The following COL14A1 variants were observed in gnomAD, a reference collection of about 807,000 sequenced individuals.
The protein encoded by COL14A1 is collagen type XIV alpha 1 chain, also known as collagen alpha-1(XIV) chain.
A neutral mutation model predicts 230.3 loss-of-function variants in COL14A1; 136 were observed. That is an observed-to-expected ratio of 0.59 (90% confidence interval 0.51 to 0.68). COL14A1 has a LOEUF of 0.68. Among genes scored for constraint, COL14A1 ranks in the 30% least tolerant of loss-of-function variants. COL14A1 has a pLI of 0.00. For synonymous variants in COL14A1, 792 were observed against 784.1 expected (o/e 1.01, Z -0.17); for missense variants, 1,976 against 2,215.8 (o/e 0.89, Z 2.17).
At chr8:120,370,783 C>T (rs1450668502) in intron 47 of COL14A1, 4 of 1,376,008 alleles carry the variant, frequency 2.9e-6, no homozygotes, top group Non-Finnish European at 3.9e-6. Flanking sequence ...TCCCTTCCTC[C>T]CCTGATCACC....
chr8:120,133,287 T>C (rs564922743), intron 1 of COL14A1, among the ~76,000 whole-genome samples: 1 of 151,430 alleles, frequency 6.6e-6, no homozygotes, highest in Non-Finnish European at 1.5e-5. Flanking sequence ...GAAAAAATTC[T>C]GTTATTTTTT....
Position 120,270,186 on chromosome 8 carries a change from A to G in COL14A1, c.3213+12A>G, listed in dbSNP as rs1402998151. The G allele has an allele frequency of 6.2e-7, 1 of 1,605,266 alleles. No individual in the cohort carries two copies. Among genetic ancestry groups the G allele is most frequent in the Admixed American group, 1.7e-5 (1 of 59,174 alleles). On this transcript the variant is annotated intron_variant, in intron 26 of 47. Transcript: ENST00000297848. ...CAGATGGAACCCAAGTAAGGCTAAT[A>G]AATAATTAATTCATTCTATGTATTT...
intron 5 of COL14A1, among the ~76,000 whole-genome samples, chr8:120,176,473 T>A (rs1349846835): frequency 2.0e-5 from 3 of 152,228 alleles, no homozygotes; most frequent in Non-Finnish European, 4.4e-5. Context: ...TTTATGGTTC[T>A]TGGCTCACAG....
rs1029859406 is a variant in COL14A1 at position 120,350,514 on chromosome 8, T to A, written c.5077+4951T>A. Among the ~76,000 whole-genome samples, 367 of 150,618 alleles carry A rather than the reference T, an allele frequency of 2.4e-3. 1 individual carries two copies. Among genetic ancestry groups the A allele is most frequent in the East Asian group, 5.3e-3 (27 of 5,134 alleles). ...CCCATCTCACGTGCAGAGACATACA[T>A]AGGCTCAAAATAAAAGGATGGAGGA... On this transcript the variant is annotated intron_variant, in intron 45 of 47. Transcript: ENST00000297848.
chr8:120,370,605 C>G, intron 47 of COL14A1: 1 of 1,451,352 alleles, frequency 6.9e-7, no homozygotes, highest in Non-Finnish European at 9.1e-7. Context: ...TTAATAGACA[C>G]TGACTGCTCC....
chr8:120,280,675 G>A (rs370464942), intron 29 of COL14A1, 36 bp from the exon 30 acceptor site: 61 of 1,603,844 alleles, frequency 3.8e-5, no homozygotes, highest in South Asian at 3.1e-4. Flanking sequence ...TGAAATATCC[G>A]AATTAGAGTT....
At chr8:120,150,993 T>TAA (rs977564188) in intron 2 of COL14A1, among the ~76,000 whole-genome samples, 1 of 142,204 alleles carries the variant, frequency 7.0e-6, no homozygotes, top group African/African-American at 2.6e-5. Context: ...ATTGAAAGAG[T>TAA]AAAAAAAAAA....
chr8:120,145,490 G>A (rs911513536), intron 1 of COL14A1, among the ~76,000 whole-genome samples: 12 of 152,154 alleles, frequency 7.9e-5, no homozygotes, highest in African/African-American at 2.6e-4. Context: ...GTAGTGGCAC[G>A]TGCCTGTAAT....
chr8:120,339,575 A>G, intron 42 of COL14A1, among the ~76,000 whole-genome samples: 1 of 152,182 alleles, frequency 6.6e-6, no homozygotes. Flanking sequence ...TAGTGGCCTC[A>G]TCTTACAAAG....
intron 36 of COL14A1, among the ~76,000 whole-genome samples, chr8:120,301,024 A>C (rs1454777910): frequency 6.6e-6 from 1 of 151,708 alleles, no homozygotes; most frequent in Non-Finnish European, 1.5e-5. Context: ...AGTCTCCATG[A>C]CTCCTAGAGA....
intron 2 of COL14A1, among the ~76,000 whole-genome samples, chr8:120,153,469 G>A (rs1039881268): frequency 1.3e-5 from 2 of 152,146 alleles, no homozygotes; most frequent in African/African-American, 4.8e-5. Flanking sequence ...ACAGACATGA[G>A]CCACTGTACC....
At chr8:120,230,944 G>A (rs977214317) in intron 18 of COL14A1, among the ~76,000 whole-genome samples, 3 of 152,184 alleles carry the variant, frequency 2.0e-5, no homozygotes, top group Non-Finnish European at 4.4e-5. Context: ...AGAAAAGATC[G>A]TGTCTGTGTG....
intron 45 of COL14A1, among the ~76,000 whole-genome samples, chr8:120,363,164 A>G (rs560025186): frequency 6.6e-6 from 1 of 152,348 alleles, no homozygotes; most frequent in East Asian, 1.9e-4. Context: ...ACAACAGCAA[A>G]GACATGGAAC....
At chr8:120,242,874 T>C (rs1433937369) in intron 19 of COL14A1, among the ~76,000 whole-genome samples, 1 of 152,210 alleles carries the variant, frequency 6.6e-6, no homozygotes, top group East Asian at 1.9e-4. Context: ...GCTTATTCCA[T>C]GATTTATAGG....
At chr8:120,161,818 C>T (rs1815681821) in intron 3 of COL14A1, among the ~76,000 whole-genome samples, 1 of 152,122 alleles carries the variant, frequency 6.6e-6, no homozygotes, top group Middle Eastern at 3.2e-3. Flanking sequence ...CAAACACCAC[C>T]ACGGCTGGTT....
intron 1 of COL14A1, among the ~76,000 whole-genome samples, chr8:120,140,230 C>G (rs1020546503): frequency 6.6e-5 from 10 of 152,158 alleles, no homozygotes; most frequent in African/African-American, 2.4e-4. Context: ...CCTTTCTGTT[C>G]TGTTTCATAC....
At chr8:120,255,477 G>T (rs569848404) in intron 23 of COL14A1, 121 bp downstream of exon 23, 10 of 771,866 alleles carry the variant, frequency 1.3e-5, no homozygotes, top group Non-Finnish European at 2.3e-5. Flanking sequence ...GAAGCAATTT[G>T]TATTGGTCAG....
At chr8:120,320,410 C>T (rs1189589263) in intron 40 of COL14A1, among the ~76,000 whole-genome samples, 1 of 152,064 alleles carries the variant, frequency 6.6e-6, no homozygotes, top group Non-Finnish European at 1.5e-5. Flanking sequence ...GATTTCACCT[C>T]ACAAGGACAC....
In COL14A1 at chr8:120,313,948, G is replaced by A. The variant is rs142082215; in HGVS notation, c.4472G>A (p.Arg1491Gln). 23 of 1,612,126 alleles carry A rather than the reference G, an allele frequency of 1.4e-5. No homozygotes were observed. Among genetic ancestry groups the A allele is most frequent in the Middle Eastern group, 1.7e-4 (1 of 6,026 alleles). ...GCCTTCCAGGGACCAGATGGCCCTC[G>A]GGGTGAAATTGGTCTGCCAGGACCT... ...EPGPKGPDGP[R>Q]GEIGLPGPQG... The change falls in exon 38 of 48, where the codon CGG becomes CAG. Residue 1491 changes from arginine to glutamine, a missense_variant. Arg to Gln is a conservative substitution (Grantham distance 43). Coordinates refer to ENST00000297848, the MANE Select transcript of COL14A1 (RefSeq NM_021110.4).
Sources: allele counts gnomAD v4.1 joint callset (sites outside exome capture counted in the v4.1 genomes callset), GRCh38; gene constraint gnomAD v4.1.1; transcripts MANE v1.5; gene names NCBI Gene and HGNC (gene_info 2026-07-23, HGNC 2026-07-21).